The following UQCC1 variants were observed in gnomAD, a reference collection of about 807,000 sequenced individuals.
UQCC1 encodes the protein ubiquinol-cytochrome c reductase complex assembly factor 1.
Under a neutral mutation model 48.0 loss-of-function variants are expected in UQCC1, and 38 were observed. The ratio of observed to expected loss-of-function variants is 0.79; its 90% CI spans 0.61 to 1.04. The LOEUF is 1.04. Ranked by LOEUF, UQCC1 falls within the 50% of genes least tolerant of loss-of-function variation. UQCC1 has a pLI of 0.00. For missense variants in UQCC1, 368 were observed against 381.8 expected, an observed-to-expected ratio of 0.96 and a Z score of 0.30; for synonymous variants, 111 against 129.2, an observed-to-expected ratio of 0.86 and a Z score of 0.95.
At chr20:35,388,007 G>T (rs565758880) in intron 2 of UQCC1, among the ~76,000 whole-genome samples, 1 of 149,158 alleles carries the variant, frequency 6.7e-6, no homozygotes, top group Non-Finnish European at 1.5e-5. Context: ...TTTTTGAGAC[G>T]GAGTCTCGCT....
chr20:35,309,433 A>AG (rs916911525), intron 8 of UQCC1, among the ~76,000 whole-genome samples: 2 of 150,484 alleles, frequency 1.3e-5, no homozygotes, highest in African/African-American at 5.0e-5. Flanking sequence ...ACCCTGTCTT[A>AG]GGAAAAAAAA....
intron 7 of UQCC1, among the ~76,000 whole-genome samples, chr20:35,321,212 T>C (rs966204544): frequency 2.0e-5 from 3 of 151,834 alleles, no homozygotes; most frequent in Non-Finnish European, 2.9e-5. Flanking sequence ...GAAAGATCTA[T>C]TGAGGGTCTT....
intron 6 of UQCC1, among the ~76,000 whole-genome samples, chr20:35,358,016 G>A (rs1479052066): frequency 6.6e-6 from 1 of 152,040 alleles, no homozygotes; most frequent in African/African-American, 2.4e-5. Context: ...ATTATGGAGG[G>A]GATAACACAC....
intron 5 of UQCC1, 93 bp from the exon 6 acceptor site, chr20:35,366,707 C>A: frequency 9.1e-7 from 1 of 1,095,360 alleles, no homozygotes; most frequent in Non-Finnish European, 1.4e-6. Context: ...ACTTATGGTG[C>A]TCTCTGATTA....
chr20:35,410,721 AAAAC>A lies in UQCC1; in HGVS notation c.24+1215_24+1218del, dbSNP rs1568722381. Among the ~76,000 whole-genome samples, 3 of 125,586 alleles carry A rather than the reference AAAAC, an allele frequency of 2.4e-5. 1 individual carries two copies. Among genetic ancestry groups the A allele is most frequent in the African/African-American group, 3.3e-5 (1 of 30,658 alleles). The allele number at this position is 125,586 out of a possible 152,430, so 82.4% of individuals were successfully genotyped here. ...CTCTGCCTCAAAAAAAAAAAAAAAAAAAACAAAACCCTAAAGGGTGGCAGGGGAA... is the reference window on the plus strand; with the variant it reads ...CTCTGCCTCAAAAAAAAAAAAAAAAAAAAACCCTAAAGGGTGGCAGGGGAA... On this transcript the variant is annotated intron_variant, in intron 1 of 9. Coordinates refer to ENST00000374385, the MANE Select transcript of UQCC1 (RefSeq NM_018244.5).
At chr20:35,409,931 G>C (rs62210591) in intron 1 of UQCC1, 29 of 151,590 alleles carry the variant, frequency 1.9e-4, no homozygotes, top group African/African-American at 7.0e-4. Context: ...TCAGCCTCAC[G>C]AGTAGCTGGG....
At chr20:35,373,070 C>T (rs987044832) in intron 5 of UQCC1, among the ~76,000 whole-genome samples, 2 of 152,142 alleles carry the variant, frequency 1.3e-5, no homozygotes, top group Admixed American at 6.5e-5. Flanking sequence ...CTTCCAAAAC[C>T]TGTGGAACTG....
chr20:35,306,733 G>T lies in UQCC1; in HGVS notation c.698C>A (p.Thr233Asn), dbSNP rs559952499. 1 of 1,614,000 alleles carries T rather than the reference G, an allele frequency of 6.2e-7. No individual in the cohort carries two copies. Among genetic ancestry groups the T allele is most frequent in the East Asian group, 2.2e-5 (1 of 44,874 alleles). Reference protein sequence around the residue: ...DHGLAAALWRTFFNRKCEDPR... With the variant: ...DHGLAAALWRNFFNRKCEDPR... ...GTCTTCACATTTCCGGTTGAAGAAGGTTCTCCAGAGGGCAGCGGCCAGCCC... is the reference window on the plus strand; with the variant it reads ...GTCTTCACATTTCCGGTTGAAGAAGTTTCTCCAGAGGGCAGCGGCCAGCCC... Residue 233 changes from threonine to asparagine, a missense_variant, in exon 9 of 10, where the codon ACC (threonine) becomes AAC (asparagine). Transcript: ENST00000374385.
chr20:35,329,269 C>T (rs1325405326), intron 7 of UQCC1, among the ~76,000 whole-genome samples: 1 of 152,076 alleles, frequency 6.6e-6, no homozygotes, highest in African/African-American at 2.4e-5. Flanking sequence ...GCAGGAGGAC[C>T]AGTGAAGAAG....
chr20:35,351,130 C>T lies in UQCC1; in HGVS notation c.465-3858G>A, dbSNP rs142885156. On this transcript the variant is annotated intron_variant, in intron 6 of 9. Transcript: ENST00000374385. ...TGTAGGCTGGGTGTGGTGGCTTACA[C>T]CTGTAATCCCAGCACTTTGGGAGGC... Among the ~76,000 whole-genome samples, 876 of 152,132 alleles carry T rather than the reference C, an allele frequency of 5.8e-3. 3 individuals carry two copies. Among genetic ancestry groups the T allele is most frequent in the Non-Finnish European group, 9.6e-3 (654 of 67,994 alleles).
chr20:35,410,755 T>TTA (rs2062348229), intron 1 of UQCC1, among the ~76,000 whole-genome samples: 2 of 40,502 alleles, frequency 4.9e-5, no homozygotes, highest in African/African-American at 1.9e-4. Context: ...GGGGAAGGAT[T>TTA]AAAAAAAAAA....
chr20:35,385,837 A>T (rs926545006), intron 2 of UQCC1, among the ~76,000 whole-genome samples: 6 of 150,266 alleles, frequency 4.0e-5, no homozygotes, highest in African/African-American at 9.8e-5. Flanking sequence ...TTTTTTTTTT[A>T]AATAGACTTT....
intron 5 of UQCC1, among the ~76,000 whole-genome samples, chr20:35,368,588 G>C (rs2061695522): frequency 6.6e-6 from 1 of 152,122 alleles, no homozygotes; most frequent in Non-Finnish European, 1.5e-5. Flanking sequence ...TGCAAGCCAT[G>C]TCAATACATT....
At chr20:35,357,671 C>A (rs74483025) in intron 6 of UQCC1, among the ~76,000 whole-genome samples, 2,984 of 102,400 alleles carry the variant, frequency 0.029, no homozygotes, top group African/African-American at 0.033. Context: ...GACCTTGTCT[C>A]AAAAAAAAAA....
intron 7 of UQCC1, among the ~76,000 whole-genome samples, chr20:35,342,318 A>G (rs2061389872): frequency 1.3e-5 from 2 of 152,242 alleles, no homozygotes; most frequent in Admixed American, 1.3e-4. Flanking sequence ...CAGAACTGAG[A>G]GGAAGTCGTT....
chr20:35,382,214 C>T (rs1395036052), intron 3 of UQCC1, among the ~76,000 whole-genome samples, 189 bp from the exon 4 acceptor site: 1 of 152,088 alleles, frequency 6.6e-6, no homozygotes, highest in Non-Finnish European at 1.5e-5. Context: ...TCAAGTGATC[C>T]TCCTGCCTCA....
intron 7 of UQCC1, among the ~76,000 whole-genome samples, chr20:35,322,941 G>T: frequency 6.6e-6 from 1 of 151,528 alleles, no homozygotes; most frequent in Admixed American, 6.6e-5. Flanking sequence ...TCCGCCTCCC[G>T]GGTTCACGCC....
chr20:35,314,660 C>A, intron 8 of UQCC1, 28 bp downstream of exon 8: 1 of 1,580,960 alleles, frequency 6.3e-7, no homozygotes, highest in South Asian at 1.1e-5. Flanking sequence ...GGCCACCGTC[C>A]TGCCTAAGCC....
intron 7 of UQCC1, among the ~76,000 whole-genome samples, chr20:35,337,484 G>A (rs1323997008): frequency 6.6e-6 from 1 of 152,166 alleles, no homozygotes; most frequent in African/African-American, 2.4e-5. Context: ...ACCACATCTG[G>A]CCTGAGCTAG....
Sources: allele counts gnomAD v4.1 joint callset (sites outside exome capture counted in the v4.1 genomes callset), GRCh38; gene constraint gnomAD v4.1.1; transcripts MANE v1.5; gene names NCBI Gene and HGNC (gene_info 2026-07-23, HGNC 2026-07-21).